SLAMF6: variants seen among roughly 807,000 people sequenced by gnomAD.
The protein encoded by SLAMF6 is SLAM family member 6, also known as NK-T-B-antigen.
A neutral mutation model predicts 38.3 loss-of-function variants in SLAMF6; 21 were observed. That is an observed-to-expected ratio of 0.55 (90% confidence interval 0.39 to 0.79). The LOEUF (loss-of-function observed/expected upper bound fraction) is 0.79. Among genes scored for constraint, SLAMF6 ranks in the 30% least tolerant of loss-of-function variants. The pLI is 0.00. For missense variants in SLAMF6, 341 were observed against 385.3 expected, an observed-to-expected ratio of 0.89 and a Z score of 0.96; for synonymous variants, 152 against 146.3, an observed-to-expected ratio of 1.04 and a Z score of -0.28.
chr1:160,488,322 C>T (rs559868954), intron 6 of SLAMF6, among the ~76,000 whole-genome samples: 45 of 152,248 alleles, frequency 3.0e-4, no homozygotes, highest in African/African-American at 1.1e-3. Flanking sequence ...TTCCTGTCAT[C>T]AAGGATCATA....
chr1:160,510,249 G>T (rs1654403470), intron 1 of SLAMF6, among the ~76,000 whole-genome samples: 1 of 151,966 alleles, frequency 6.6e-6, no homozygotes, highest in Admixed American at 6.6e-5. Context: ...CATTTTACTA[G>T]GTCAGCATTA....
chr1:160,511,493 T>A (rs1316329030), intron 1 of SLAMF6, among the ~76,000 whole-genome samples: 1 of 152,180 alleles, frequency 6.6e-6, no homozygotes, highest in African/African-American at 2.4e-5. Flanking sequence ...CTTTAACAAA[T>A]GGTGCTGGGA....
intron 1 of SLAMF6, among the ~76,000 whole-genome samples, chr1:160,500,093 T>G (rs1571295647): frequency 6.6e-6 from 1 of 152,004 alleles, no homozygotes; most frequent in Admixed American, 6.6e-5. Context: ...TAGGAGGGAG[T>G]ATAAAGGAAG....
intron 1 of SLAMF6, among the ~76,000 whole-genome samples, chr1:160,502,886 G>T (rs539108971): frequency 9.8e-4 from 149 of 152,200 alleles, no homozygotes; most frequent in African/African-American, 3.5e-3. Flanking sequence ...ACATAGTCAG[G>T]ATATTGAGAA....
intron 1 of SLAMF6, among the ~76,000 whole-genome samples, chr1:160,516,934 C>T (rs553492462): frequency 6.6e-6 from 1 of 152,262 alleles, no homozygotes; most frequent in South Asian, 2.1e-4. Context: ...CAATGCCATT[C>T]AGGACATAGG....
At chr1:160,488,710 T>C (rs1653102989) in intron 6 of SLAMF6, among the ~76,000 whole-genome samples, 1 of 152,142 alleles carries the variant, frequency 6.6e-6, no homozygotes, top group Non-Finnish European at 1.5e-5. Context: ...ACTACGTCCA[T>C]AGGAAACTTT....
intron 1 of SLAMF6, among the ~76,000 whole-genome samples, chr1:160,516,212 G>T (rs1430437061): frequency 6.6e-6 from 1 of 151,820 alleles, no homozygotes; most frequent in Non-Finnish European, 1.5e-5. Flanking sequence ...ACACACACAG[G>T]CAAGCAGAGA....
At chr1:160,512,147 C>T (rs1654502669) in intron 1 of SLAMF6, among the ~76,000 whole-genome samples, 1 of 152,228 alleles carries the variant, frequency 6.6e-6, no homozygotes, top group Non-Finnish European at 1.5e-5. Context: ...ATCACTGCAG[C>T]TTCTGTCTGC....
chr1:160,509,859 A>T (rs1231672321), intron 1 of SLAMF6, among the ~76,000 whole-genome samples: 1 of 152,156 alleles, frequency 6.6e-6, no homozygotes, highest in African/African-American at 2.4e-5. Context: ...CTTTAGCTAG[A>T]TTGACAAAGA....
intron 7 of SLAMF6, 103 bp downstream of exon 7, chr1:160,487,001 T>C: frequency 9.3e-7 from 1 of 1,080,276 alleles, no homozygotes; most frequent in South Asian, 1.4e-5. Context: ...TGCTGCTGTT[T>C]GTGCATCTGT....
Position 160,523,230 on chromosome 1 carries a change from G to A in SLAMF6, c.-38C>T. 2.5e-6 allele frequency: 4 copies of A among 1,606,534 alleles called. No individual in the cohort carries two copies. Among genetic ancestry groups the A allele is most frequent in the Non-Finnish European group, 3.4e-6 (4 of 1,176,724 alleles). On this transcript the variant is annotated 5_prime_UTR_variant, in exon 1 of 8. Transcript: ENST00000368057. Reference sequence around the variant, plus strand: ...GAAGACTGGTGCTTGAGACCTTGAGGCAGTCAATGTTTTTGCCCTTCTGTC... The same window carrying A: ...GAAGACTGGTGCTTGAGACCTTGAGACAGTCAATGTTTTTGCCCTTCTGTC...
At chr1:160,509,580 C>T (rs1654367790) in intron 1 of SLAMF6, among the ~76,000 whole-genome samples, 1 of 151,940 alleles carries the variant, frequency 6.6e-6, no homozygotes, top group South Asian at 2.1e-4. Context: ...GTGCAGCAAA[C>T]CAACATGGCA....
rs1220371629 is a variant in SLAMF6 at position 160,491,178 on chromosome 1, T to C, written c.593A>G (p.Glu198Gly). ...SSEQDYTCIA[E>G]NAVSNLSFSV... ...GAAGGATAAATTACTGACAGCATTC[T>C]CTGCTATGCAGGTGTAGTCCTGTTC... Residue 198 changes from glutamate (E) to glycine (G), a missense_variant, in exon 3 of 8, where the codon GAG becomes GGG. Coordinates refer to ENST00000368057, the MANE Select transcript of SLAMF6 (RefSeq NM_001184714.2). 1.2e-6 allele frequency: 2 copies of C among 1,614,082 alleles called. No individual in the cohort carries two copies. The highest frequency in any genetic ancestry group is 3.3e-5 in the Admixed American group (2 of 60,002).
intron 1 of SLAMF6, among the ~76,000 whole-genome samples, chr1:160,521,903 A>G (rs764146754): frequency 2.6e-5 from 4 of 151,778 alleles, no homozygotes; most frequent in Admixed American, 6.6e-5. Context: ...CCAATACACT[A>G]TTTTACTTGT....
chr1:160,514,046 T>C (rs754638944), intron 1 of SLAMF6, among the ~76,000 whole-genome samples: 27 of 152,160 alleles, frequency 1.8e-4, no homozygotes, highest in Non-Finnish European at 2.1e-4. Flanking sequence ...ATGTGCTAAG[T>C]GCCCCATTTA....
At chr1:160,491,596 A>T (rs1203754468) in intron 2 of SLAMF6, among the ~76,000 whole-genome samples, 1 of 152,202 alleles carries the variant, frequency 6.6e-6, no homozygotes, top group African/African-American at 2.4e-5. Flanking sequence ...AGTATGGGGC[A>T]GGATAGTCAG....
At chr1:160,506,546 A>T (rs1654198320) in intron 1 of SLAMF6, among the ~76,000 whole-genome samples, 1 of 152,198 alleles carries the variant, frequency 6.6e-6, no homozygotes, top group Non-Finnish European at 1.5e-5. Context: ...GCTGAAATAA[A>T]ATCACACTAG....
chr1:160,516,739 G>A (rs1023945419), intron 1 of SLAMF6, among the ~76,000 whole-genome samples: 1 of 152,104 alleles, frequency 6.6e-6, no homozygotes, highest in African/African-American at 2.4e-5. Context: ...CAAAAAACGT[G>A]ACAAAAACAA....
rs189493912 is a variant in SLAMF6 at position 160,521,402 on chromosome 1, C to G, written c.49+1742G>C. Reference sequence around the variant, plus strand: ...TCATAGGGTCATTATAAGAAGTATTCATGGAAATAGGGAGAAGAAGAGGAG... The same window carrying G: ...TCATAGGGTCATTATAAGAAGTATTGATGGAAATAGGGAGAAGAAGAGGAG... On this transcript the variant is annotated intron_variant, in intron 1 of 7. Transcript: ENST00000368057. Among the ~76,000 whole-genome samples, 6 of 152,132 alleles carry G rather than the reference C, an allele frequency of 3.9e-5. No individual in the cohort carries two copies. In the East Asian group the frequency reaches 1.2e-3, roughly 29 times the overall value.
Sources: allele counts gnomAD v4.1 joint callset (sites outside exome capture counted in the v4.1 genomes callset), GRCh38; gene constraint gnomAD v4.1.1; transcripts MANE v1.5; gene names NCBI Gene and HGNC (gene_info 2026-07-23, HGNC 2026-07-21).